ANAPC15: variants seen among roughly 807,000 people sequenced by gnomAD.
The protein encoded by ANAPC15 is anaphase-promoting complex subunit 15.
Under a neutral mutation model 19.8 loss-of-function variants are expected in ANAPC15, and 13 were observed. The observed-to-expected ratio is 0.66, with a 90% CI of 0.43 to 1.04. The LOEUF (loss-of-function observed/expected upper bound fraction) is 1.04. Ranked by LOEUF, ANAPC15 falls within the 50% of genes least tolerant of loss-of-function variation. The pLI, the probability that ANAPC15 is intolerant of heterozygous loss-of-function variation, is 0.00. For synonymous variants in ANAPC15, 45 were observed against 50.7 expected (o/e 0.89, Z 0.47); for missense variants, 88 against 150.3 (o/e 0.59, Z 2.17).
chr11:72,108,840 G>C, downstream of ANAPC15: 6 of 1,550,488 alleles, frequency 3.9e-6, no homozygotes, highest in Non-Finnish European at 5.2e-6. Context: ...GGCCGCTACC[G>C]CTGCCGCCTC....
chr11:72,107,666 TCAATCC>T (rs1389992651), downstream of ANAPC15: 9 of 619,116 alleles, frequency 1.5e-5, no homozygotes, highest in Admixed American at 8.1e-5. Flanking sequence ...AATCCCAAGT[TCAATCC>T]CAAAGGCCTT....
Position 72,110,570 on chromosome 11 carries a change from C to G in ANAPC15, c.154G>C (p.Val52Leu). 6.2e-7 allele frequency: 1 copy of G among 1,614,234 alleles called. No homozygotes were observed. The highest frequency in any genetic ancestry group is 8.5e-7 in the Non-Finnish European group (1 of 1,180,048). Reference protein sequence around the residue: ...QSIAEKDNNLVPIGKPASEHY... With the variant: ...QSIAEKDNNLLPIGKPASEHY... ...TCTGAGGCTGGCTTGCCAATAGGAA[C>G]CAGGTTGTTGTCTTTCTCCGCGATG... is the stretch of plus-strand genomic sequence containing the variant. Residue 52 changes from valine to leucine, a missense_variant, in exon 4 of 6, where the codon GTT (valine) becomes CTT (leucine). Coordinates refer to ENST00000227618, the MANE Select transcript of ANAPC15 (RefSeq NM_014042.3).
intron 2 of ANAPC15, 23 bp from the exon 3 acceptor site, chr11:72,111,309 T>TAAAG: frequency 6.5e-7 from 1 of 1,549,212 alleles, no homozygotes; most frequent in Non-Finnish European, 8.9e-7. Flanking sequence ...GTCAAGTGAA[T>TAAAG]GTGTTTTGCT....
At chr11:72,110,311 CAATG>C in intron 4 of ANAPC15, 86 bp from the exon 5 acceptor site, 1 of 1,596,426 alleles carries the variant, frequency 6.3e-7, no homozygotes, top group Non-Finnish European at 8.5e-7. Flanking sequence ...TCTCTAGGGC[CAATG>C]AATGACCCCC....
chr11:72,108,372 CTT>C (rs575541828), downstream of ANAPC15, among the ~76,000 whole-genome samples: 174 of 152,346 alleles, frequency 1.1e-3, 1 homozygote, highest in African/African-American at 4.1e-3. Flanking sequence ...TACTCTGCCT[CTT>C]GTTAGCTACG....
downstream of ANAPC15, chr11:72,107,918 C>T: frequency 3.2e-6 from 5 of 1,551,746 alleles, no homozygotes; most frequent in Non-Finnish European, 4.4e-6. Context: ...CATCTCCCCT[C>T]ATAGGTCAGA....
chr11:72,106,940 CAAAA>C (rs34155157), downstream of ANAPC15: 23 of 82,496 alleles, frequency 2.8e-4, no homozygotes, highest in South Asian at 1.5e-3. Context: ...GAACCTGTCT[CAAAA>C]AAAAAAAAAA....
chr11:72,109,404 C>A, downstream of ANAPC15: 1 of 458,294 alleles, frequency 2.2e-6, no homozygotes. Context: ...TGGATGCAAG[C>A]TGGGCCAGAG....
intron 2 of ANAPC15, 22 bp downstream of exon 2, chr11:72,111,390 T>C: frequency 1.2e-5 from 10 of 838,096 alleles, no homozygotes; most frequent in Non-Finnish European, 1.8e-5. Flanking sequence ...AAGCAGCCCC[T>C]CCCCCTAGGA....
chr11:72,110,797 G>A (rs756082710), intron 3 of ANAPC15, 194 bp from the exon 4 acceptor site: 1 of 612,600 alleles, frequency 1.6e-6, no homozygotes, highest in Non-Finnish European at 2.8e-6. Flanking sequence ...AACTCTCTGA[G>A]CCTTCTTTTT....
At chr11:72,111,546 T>C (rs1403525137) in intron 1 of ANAPC15, 50 bp from the exon 2 acceptor site, 1 of 310,122 alleles carries the variant, frequency 3.2e-6, no homozygotes, top group Non-Finnish European at 6.1e-6. Context: ...GTTATTCTGA[T>C]AATTAAGTAA....
chr11:72,110,617 C>T lies in ANAPC15; in HGVS notation c.121-14G>A, dbSNP rs1946536907. 6.2e-7 allele frequency: 1 copy of T among 1,614,038 alleles called. No individual in the cohort carries two copies. Among genetic ancestry groups the T allele is most frequent in the African/African-American group, 1.3e-5 (1 of 74,940 alleles). On this transcript the variant is annotated splice_polypyrimidine_tract_variant and intron_variant, in intron 3 of 5. Transcript: ENST00000227618. ...GATGCTTTGGAGCTGTGGGCAAAGGCACAGAGGAACAAGGCCAGAGCCCAA... is the reference window on the plus strand; with the variant it reads ...GATGCTTTGGAGCTGTGGGCAAAGGTACAGAGGAACAAGGCCAGAGCCCAA...
At chr11:72,110,470 G>A (rs1160334967) in intron 4 of ANAPC15, 74 bp downstream of exon 4, 3 of 1,595,622 alleles carry the variant, frequency 1.9e-6, no homozygotes, top group Middle Eastern at 1.7e-4. Context: ...GTCAGAGACA[G>A]GACATTCAGA....
downstream of ANAPC15, chr11:72,107,370 A>C (rs1207907357): frequency 9.0e-6 from 6 of 666,328 alleles, no homozygotes; most frequent in Non-Finnish European, 1.7e-5. Context: ...ACCTTTCATA[A>C]ATCTGAAAGA....
chr11:72,111,119 G>GTGCTGGGGTCTGTGTCTA, intron 3 of ANAPC15, 38 bp downstream of exon 3: 1 of 1,371,950 alleles, frequency 7.3e-7, no homozygotes, highest in South Asian at 1.2e-5. Flanking sequence ...GTCTCTGTCT[G>GTGCTGGGGTCTGTGTCTA]TGCTGAGGTC....
At chr11:72,110,003 C>T in intron 5 of ANAPC15, 75 bp from the exon 6 acceptor site, 1 of 1,614,080 alleles carries the variant, frequency 6.2e-7, no homozygotes, top group Admixed American at 1.7e-5. Context: ...CTGGCTGGAT[C>T]CAGGGTTTCT....
chr11:72,107,720 G>T (rs1437802397), downstream of ANAPC15: 4 of 624,238 alleles, frequency 6.4e-6, no homozygotes, highest in African/African-American at 7.4e-5. Context: ...GGTCAGATTT[G>T]TTGGAAAGAT....
upstream of ANAPC15, chr11:72,112,716 C>T (rs1298451383): frequency 8.8e-6 from 4 of 456,596 alleles, no homozygotes; most frequent in Admixed American, 7.0e-5. Context: ...GAAGAACCCA[C>T]CAGAATCCGG....
intron 1 of ANAPC15, 60 bp downstream of exon 1, chr11:72,112,589 CT>C (rs1267783209): frequency 4.5e-6 from 2 of 448,188 alleles, no homozygotes; most frequent in African/African-American, 2.0e-5. Flanking sequence ...AAATGGGTTT[CT>C]CTGGGGGAAA....
Sources: gnomAD v4.1 joint callset for allele counts (sites outside exome capture counted in the v4.1 genomes callset) on GRCh38, gnomAD v4.1.1 for gene constraint, MANE v1.5 for transcripts, NCBI Gene and HGNC (gene_info 2026-07-23, HGNC 2026-07-21) for gene names.